Variants in MYLK4 observed in about 807,000 individuals in gnomAD.
MYLK4 encodes the protein caMLCK like.
A neutral mutation model predicts 48.1 loss-of-function variants in MYLK4; 46 were observed. That is an observed-to-expected ratio of 0.96 (90% CI 0.75 to 1.22). MYLK4 has a LOEUF of 1.22. MYLK4 is among the 50% of genes most tolerant of loss of function. The pLI is 0.00. For missense variants in MYLK4, 451 were observed against 486.1 expected, an observed-to-expected ratio of 0.93 and a Z score of 0.68; for synonymous variants, 170 against 180.8, an observed-to-expected ratio of 0.94 and a Z score of 0.48.
At chr6:2,755,934 G>A in the MYLK4 span, among the ~76,000 whole-genome samples, 1 of 152,188 alleles carries the variant, frequency 6.6e-6, no homozygotes, top group Non-Finnish European at 1.5e-5. Flanking sequence ...GGCACATGAT[G>A]TCGGTTTGTG....
intron 10 of MYLK4, among the ~76,000 whole-genome samples, chr6:2,677,823 T>C (rs72840073): frequency 0.26 from 39,367 of 152,104 alleles, 5,232 homozygotes; most frequent in Middle Eastern, 0.31. Context: ...ACAAAGCACT[T>C]GGCATGATCT....
chr6:2,681,296 A>T (rs1384700120), intron 7 of MYLK4, among the ~76,000 whole-genome samples: 1 of 152,196 alleles, frequency 6.6e-6, no homozygotes, highest in Non-Finnish European at 1.5e-5. Context: ...TTATGAAATG[A>T]CATAATGTCT....
At chr6:2,716,405 C>T (rs1327792150) in intron 2 of MYLK4, among the ~76,000 whole-genome samples, 1 of 152,182 alleles carries the variant, frequency 6.6e-6, no homozygotes, top group Non-Finnish European at 1.5e-5. Flanking sequence ...TACATATATG[C>T]TGGTGTGTGC....
chr6:2,704,909 C>T (rs529635979), intron 2 of MYLK4, among the ~76,000 whole-genome samples: 16 of 152,318 alleles, frequency 1.1e-4, no homozygotes, highest in African/African-American at 3.8e-4. Context: ...ATATCCATCA[C>T]TCTAATGTCC....
chr6:2,734,911 G>T lies in MYLK4; in HGVS notation c.159+14225C>A, dbSNP rs531028827. Among the ~76,000 whole-genome samples the T allele has an allele frequency of 3.3e-5, 5 of 152,276 alleles. No individual in the cohort carries two copies. The South Asian group carries it at 1.0e-3, about 32-fold the overall frequency. On this transcript the variant is annotated intron_variant, in intron 2 of 12. Transcript: ENST00000274643. ...ATTCAGCAGGTTGGATGGGGCCCGA[G>T]AGCCTGCATTTGTAGCCAGCTCCCA...
the MYLK4 span, chr6:2,766,139 G>A: frequency 8.1e-7 from 1 of 1,241,046 alleles, no homozygotes; most frequent in South Asian, 2.2e-5. Flanking sequence ...GGGCGACGGC[G>A]ATGGCGACGG....
chr6:2,720,640 C>A (rs976150877), intron 2 of MYLK4, among the ~76,000 whole-genome samples: 1 of 151,810 alleles, frequency 6.6e-6, no homozygotes, highest in Non-Finnish European at 1.5e-5. Context: ...GAATAGGATT[C>A]GTGTAAAAGA....
chr6:2,760,622 G>A, the MYLK4 span, among the ~76,000 whole-genome samples: 6 of 152,128 alleles, frequency 3.9e-5, no homozygotes, highest in Non-Finnish European at 7.3e-5. Context: ...TCTGCCAGGA[G>A]CCAGGGAGAA....
chr6:2,770,316 G>T, the MYLK4 span: 26 of 1,614,158 alleles, frequency 1.6e-5, no homozygotes, highest in Non-Finnish European at 2.1e-5. Flanking sequence ...CTAGACTCTA[G>T]CCGTCCCACT....
At chr6:2,702,354 A>G (rs1011839103) in intron 2 of MYLK4, among the ~76,000 whole-genome samples, 1 of 152,230 alleles carries the variant, frequency 6.6e-6, no homozygotes, top group Non-Finnish European at 1.5e-5. Context: ...AGTCAGGATT[A>G]ATGCAAAGAA....
chr6:2,700,328 C>T (rs1762238410), intron 2 of MYLK4, among the ~76,000 whole-genome samples: 1 of 152,210 alleles, frequency 6.6e-6, no homozygotes, highest in Admixed American at 6.5e-5. Flanking sequence ...TTCTGATAAA[C>T]TGGGTCTTGA....
chr6:2,668,726 C>T (rs577651936), intron 12 of MYLK4, among the ~76,000 whole-genome samples: 3 of 152,094 alleles, frequency 2.0e-5, no homozygotes, highest in Non-Finnish European at 4.4e-5. Flanking sequence ...TGAGGCTGCT[C>T]CCAGAGTTAA....
the MYLK4 span, chr6:2,765,981 C>T: frequency 1.4e-6 from 2 of 1,396,858 alleles, no homozygotes; most frequent in African/African-American, 1.5e-5. Flanking sequence ...CCCAGCGGCG[C>T]CCGCCTTATC....
intron 2 of MYLK4, among the ~76,000 whole-genome samples, chr6:2,716,258 C>A (rs1365610709): frequency 1.3e-5 from 2 of 152,158 alleles, no homozygotes; most frequent in African/African-American, 4.8e-5. Context: ...TCATAGTTAA[C>A]CAAAACATCA....
the MYLK4 span, among the ~76,000 whole-genome samples, chr6:2,765,073 C>T: frequency 2.0e-5 from 3 of 152,134 alleles, no homozygotes; most frequent in East Asian, 1.9e-4. Context: ...CTCCAACAAC[C>T]TCGCGCAGTC....
the MYLK4 span, chr6:2,766,085 C>T: frequency 6.9e-6 from 9 of 1,304,248 alleles, no homozygotes; most frequent in East Asian, 1.2e-4. Flanking sequence ...CGCGTCTCCG[C>T]GCAGCTGGGA....
the MYLK4 span, among the ~76,000 whole-genome samples, chr6:2,756,927 G>C: frequency 6.6e-6 from 1 of 152,162 alleles, no homozygotes; most frequent in Non-Finnish European, 1.5e-5. Flanking sequence ...TTCTAAATTG[G>C]AAGTAGATTT....
chr6:2,721,992 G>T (rs7771124), intron 2 of MYLK4, among the ~76,000 whole-genome samples: 20,456 of 152,192 alleles, frequency 0.13, 1,630 homozygotes, highest in African/African-American at 0.22. Flanking sequence ...GAAGATGTAT[G>T]ACATCTAAAC....
rs9501873 is a variant in MYLK4 at position 2,667,455 on chromosome 6, T to A, written c.*470A>T. On this transcript the variant is annotated 3_prime_UTR_variant, in exon 13 of 13. Transcript: ENST00000274643. ...GGTGCATGGGAGTCAGAATTCTTTCTGGCCATCTAATTGCCCCTTCCAAAG... is the reference window on the plus strand; with the variant it reads ...GGTGCATGGGAGTCAGAATTCTTTCAGGCCATCTAATTGCCCCTTCCAAAG... The A allele has an allele frequency of 6.6e-6, 1 of 151,866 alleles. No homozygotes were observed. The highest frequency in any genetic ancestry group is 1.5e-5 in the Non-Finnish European group (1 of 67,982). 9.4% of individuals were successfully genotyped at this position (151,866 alleles called of 1,614,324 possible). A position where few individuals can be genotyped will look rare whatever the true frequency, so the allele number is the denominator to read the frequency against.
Sources: gnomAD v4.1 joint callset for allele counts (sites outside exome capture counted in the v4.1 genomes callset) on GRCh38, gnomAD v4.1.1 for gene constraint, MANE v1.5 for transcripts, NCBI Gene and HGNC (gene_info 2026-07-23, HGNC 2026-07-21) for gene names.